The following ASXL3 variants were observed in gnomAD, a reference collection of about 807,000 sequenced individuals.
ASXL3 encodes putative Polycomb group protein ASXL3.
ASXL3 carries 34 observed loss-of-function variants against 170.6 expected under a neutral mutation model. That is an observed-to-expected ratio of 0.20 (90% CI 0.15 to 0.27). The LOEUF (loss-of-function observed/expected upper bound fraction) is 0.27, where lower values mean the gene tolerates loss of function less well. ASXL3 is among the 10% of genes least tolerant of loss of function. The probability of loss-of-function intolerance (pLI) is 1.00; values close to 1 mark genes in which losing one functional copy is unlikely to be tolerated. For missense variants in ASXL3, 2,592 were observed against 2,695.3 expected (o/e 0.96, Z 0.85); for synonymous variants, 1,002 against 989.1 (o/e 1.01, Z -0.24).
At chr18:33,647,107 A>G (rs2065927950) in intron 4 of ASXL3, among the ~76,000 whole-genome samples, 1 of 152,090 alleles carries the variant, frequency 6.6e-6, no homozygotes, top group Non-Finnish European at 1.5e-5. Flanking sequence ...AGTCTCTGTC[A>G]GTAGACTCAT....
At chr18:33,597,648 G>C (rs1162342584) in intron 1 of ASXL3, among the ~76,000 whole-genome samples, 1 of 152,020 alleles carries the variant, frequency 6.6e-6, no homozygotes, top group East Asian at 1.9e-4. Context: ...TTTACCATTT[G>C]ATACAAGGCA....
At chr18:33,690,718 T>G (rs1003821664) in intron 8 of ASXL3, among the ~76,000 whole-genome samples, 4 of 152,146 alleles carry the variant, frequency 2.6e-5, no homozygotes, top group African/African-American at 9.7e-5. Flanking sequence ...TCTTAATATA[T>G]CTAGATATTT....
chr18:33,700,935 G>A (rs2066863391), intron 8 of ASXL3, among the ~76,000 whole-genome samples: 1 of 152,060 alleles, frequency 6.6e-6, no homozygotes, highest in Admixed American at 6.6e-5. Context: ...GTAGGAGGAA[G>A]TTAACATGCT....
intron 1 of ASXL3, 105 bp from the exon 2 acceptor site, chr18:33,607,489 G>T (rs978867462): frequency 2.2e-6 from 2 of 921,028 alleles, no homozygotes; most frequent in Non-Finnish European, 1.7e-6. Context: ...TGATGTAAAA[G>T]CCCCTTCCCC....
rs1282568677 is a variant in ASXL3 at position 33,683,440 on chromosome 18, A to T, written c.751A>T (p.Ile251Leu). 2 of 1,613,570 alleles carry T rather than the reference A, an allele frequency of 1.2e-6. No individual in the cohort carries two copies. Among genetic ancestry groups the T allele is most frequent in the East Asian group, 4.5e-5 (2 of 44,834 alleles). The change falls in exon 8 of 12, where the codon ATA becomes TTA. Residue 251 changes from isoleucine to leucine, a missense_variant. By Grantham distance (5) the Ile-to-Leu change is conservative. This residue lies in a region of ASXL3 where 73 missense variants were observed against 142.7 expected (regional missense o/e 0.51). Coordinates refer to ENST00000269197, the MANE Select transcript of ASXL3 (RefSeq NM_030632.3). ...LKWTKAEDID[I>L]ETPGSILVNT... ...ATGGACCAAAGCTGAGGACATTGAC[A>T]TAGAAACCCCAGGATCTATTCTTGT...
intron 1 of ASXL3, among the ~76,000 whole-genome samples, chr18:33,581,262 T>C (rs2064989578): frequency 6.6e-6 from 1 of 152,184 alleles, no homozygotes; most frequent in South Asian, 2.1e-4. Context: ...ATGATTTTGC[T>C]GTTGTTGTTA....
chr18:33,698,085 T>C (rs1408027629), intron 8 of ASXL3, among the ~76,000 whole-genome samples: 1 of 152,102 alleles, frequency 6.6e-6, no homozygotes, highest in Non-Finnish European at 1.5e-5. Context: ...ATGTTGGAAC[T>C]TGAACTCCAA....
rs780010703 is a variant in ASXL3 at position 33,744,233 on chromosome 18, C to G, written c.4385C>G (p.Pro1462Arg). The G allele has an allele frequency of 1.2e-6, 2 of 1,613,936 alleles. No individual in the cohort carries two copies. Among genetic ancestry groups the G allele is most frequent in the Non-Finnish European group, 1.7e-6 (2 of 1,179,898 alleles). ...KPQQPPGGFA[P>R]AAINRSIPCK... Reference sequence around the variant, plus strand: ...CAGCAACCACCAGGGGGCTTTGCACCAGCAGCCATAAACCGATCAATTCCG... The same window carrying G: ...CAGCAACCACCAGGGGGCTTTGCACGAGCAGCCATAAACCGATCAATTCCG... The change falls in exon 12 of 12, where the codon CCA (proline) becomes CGA (arginine). Residue 1462 changes from proline (P) to arginine (R), a missense_variant. Coordinates refer to ENST00000269197, the MANE Select transcript of ASXL3 (RefSeq NM_030632.3).
intron 1 of ASXL3, among the ~76,000 whole-genome samples, chr18:33,596,869 G>A (rs773323173): frequency 6.6e-6 from 1 of 152,148 alleles, no homozygotes. Flanking sequence ...AGGCTGGAGT[G>A]CAGTGGCATG....
chr18:33,716,577 G>T (rs1048552432), intron 8 of ASXL3, among the ~76,000 whole-genome samples: 1 of 152,120 alleles, frequency 6.6e-6, no homozygotes, highest in African/African-American at 2.4e-5. Context: ...TATGTTTTAG[G>T]ATTTTTGTGT....
rs2067598246 is a variant in ASXL3, at chr18:33,738,909, G to A, written c.1505G>A (p.Cys502Tyr). 1 of 1,613,436 alleles carries A rather than the reference G, an allele frequency of 6.2e-7. No individual in the cohort carries two copies. The highest frequency in any genetic ancestry group is 1.7e-5 in the Admixed American group (1 of 59,908). The part of the protein sequence containing the change: ...IAPPEDNLES[C>Y]VMMNDVLETL... ...CCTCCTGAAGATAACTTGGAATCCTGTGTTATGATGAATGATGTTTTAGAA... is the reference window on the plus strand; with the variant it reads ...CCTCCTGAAGATAACTTGGAATCCTATGTTATGATGAATGATGTTTTAGAA... The change falls in exon 11 of 12, where the codon TGT (cysteine) becomes TAT (tyrosine). Residue 502 changes from cysteine to tyrosine, a missense_variant. Physicochemically the swap from Cys to Tyr is radical, Grantham distance 194. This residue lies in a region of ASXL3 where 2,246 missense variants were observed against 2,219.6 expected (regional missense o/e 1.01). Coordinates refer to ENST00000269197, the MANE Select transcript of ASXL3 (RefSeq NM_030632.3).
intron 2 of ASXL3, among the ~76,000 whole-genome samples, chr18:33,633,343 G>A (rs2065708868): frequency 6.6e-6 from 1 of 152,094 alleles, no homozygotes; most frequent in African/African-American, 2.4e-5. Flanking sequence ...TAAGTGTTCT[G>A]TAATAAGGAA....
intron 8 of ASXL3, among the ~76,000 whole-genome samples, chr18:33,704,306 AAG>A (rs2066924221): frequency 6.6e-6 from 1 of 152,110 alleles, no homozygotes; most frequent in East Asian, 1.9e-4. Flanking sequence ...CCTCTGAAAA[AAG>A]AATTATATTA....
intron 8 of ASXL3, among the ~76,000 whole-genome samples, chr18:33,692,713 A>C (rs1017679435): frequency 3.9e-5 from 6 of 152,184 alleles, no homozygotes; most frequent in African/African-American, 1.4e-4. Flanking sequence ...CCTAGCACAT[A>C]GTAGGTGCTC....
chr18:33,619,721 G>T (rs1446960214), intron 2 of ASXL3, among the ~76,000 whole-genome samples: 1 of 152,040 alleles, frequency 6.6e-6, no homozygotes, highest in Non-Finnish European at 1.5e-5. Context: ...TGAAATTCTT[G>T]TTTCTTGCTA....
At chr18:33,647,183 A>G (rs2065928867) in intron 4 of ASXL3, among the ~76,000 whole-genome samples, 1 of 152,090 alleles carries the variant, frequency 6.6e-6, no homozygotes, top group Non-Finnish European at 1.5e-5. Context: ...ATTGTATTTC[A>G]GTAATAACCC....
At chr18:33,721,396 ATATG>A (rs1257949708) in intron 8 of ASXL3, among the ~76,000 whole-genome samples, 2 of 152,090 alleles carry the variant, frequency 1.3e-5, no homozygotes, top group Non-Finnish European at 2.9e-5. Context: ...ACACATATAT[ATATG>A]TATGTATGTA....
intron 1 of ASXL3, among the ~76,000 whole-genome samples, chr18:33,598,649 CT>C (rs1174509111): frequency 2.0e-5 from 3 of 152,158 alleles, no homozygotes; most frequent in Non-Finnish European, 1.5e-5. Flanking sequence ...GGATTAGTCT[CT>C]TTTAAACTAG....
chr18:33,696,833 C>G (rs944153408), intron 8 of ASXL3, among the ~76,000 whole-genome samples: 2 of 152,158 alleles, frequency 1.3e-5, no homozygotes, highest in African/African-American at 4.8e-5. Flanking sequence ...AAGGAAGGCT[C>G]AGCCTCAATG....
Sources: gnomAD v4.1 joint callset for allele counts (sites outside exome capture counted in the v4.1 genomes callset) on GRCh38, gnomAD v4.1.1 for gene constraint, gnomAD v4.1.1 regional missense constraint, MANE v1.5 for transcripts, NCBI Gene and HGNC (gene_info 2026-07-23, HGNC 2026-07-21) for gene names.